Variants in GLRA3 observed in about 807,000 individuals in gnomAD.
The protein encoded by GLRA3 is glycine receptor subunit alpha-3.
GLRA3 carries 44 observed loss-of-function variants against 60.4 expected under a neutral mutation model. That is an observed-to-expected ratio of 0.73 (90% confidence interval 0.57 to 0.94). GLRA3 has a LOEUF of 0.94. GLRA3 is among the 40% of genes least tolerant of loss of function. The pLI is 0.00. For missense variants in GLRA3, 508 were observed against 564.6 expected (o/e 0.90, Z 1.02); for synonymous variants, 223 against 192.9 (o/e 1.16, Z -1.29).
In GLRA3 at chr4:174,766,567, A is replaced by G. The variant is rs28369304; in HGVS notation, c.267+396T>C. Among the ~76,000 whole-genome samples the G allele has an allele frequency of 4.5e-3, 682 of 152,230 alleles. 3 individuals carry two copies. Among genetic ancestry groups the G allele is most frequent in the African/African-American group, 0.016 (661 of 41,550 alleles). ...AATACCATATTCATTTGAAAAAGTA[A>G]TCGAATTGAATATTTAAAATAACAT... On this transcript the variant is annotated intron_variant, in intron 3 of 9. Transcript: ENST00000274093.
intron 3 of GLRA3, among the ~76,000 whole-genome samples, chr4:174,750,356 C>G (rs1224497787): frequency 6.6e-6 from 1 of 151,970 alleles, no homozygotes; most frequent in Non-Finnish European, 1.5e-5. Context: ...TAGCAGGGGA[C>G]TATGCTGAAT....
chr4:174,788,692 C>T (rs1739215493), intron 2 of GLRA3, 124 bp downstream of exon 2: 1 of 360,890 alleles, frequency 2.8e-6, no homozygotes, highest in Non-Finnish European at 4.5e-6. Flanking sequence ...ACCTTGGTGA[C>T]TAATGCAATA....
chr4:174,821,815 T>C (rs7681776), intron 1 of GLRA3, among the ~76,000 whole-genome samples: 1 of 151,926 alleles, frequency 6.6e-6, no homozygotes. Flanking sequence ...CTTGAAGTAG[T>C]TAATATCTTC....
intron 9 of GLRA3, among the ~76,000 whole-genome samples, chr4:174,647,108 C>T (rs746377477): frequency 6.6e-6 from 1 of 152,116 alleles, no homozygotes; most frequent in South Asian, 2.1e-4. Context: ...TCCTTGTTTC[C>T]TATTAATAAT....
chr4:174,699,606 A>C (rs1009822716), intron 5 of GLRA3, among the ~76,000 whole-genome samples: 25 of 152,032 alleles, frequency 1.6e-4, no homozygotes, highest in African/African-American at 5.8e-4. Flanking sequence ...ATTCTATCTA[A>C]GTTAGTATGT....
chr4:174,712,754 G>A (rs1044516275), intron 5 of GLRA3: 4 of 151,892 alleles, frequency 2.6e-5, no homozygotes, highest in Non-Finnish European at 5.9e-5. Flanking sequence ...TTTCCAGTGG[G>A]TTCCACCGAT....
At chr4:174,690,169 T>C (rs1734740265) in intron 5 of GLRA3, among the ~76,000 whole-genome samples, 1 of 152,180 alleles carries the variant, frequency 6.6e-6, no homozygotes. Context: ...TTAGAAGTTA[T>C]TTAAACACTA....
chr4:174,773,880 G>A (rs184670152), intron 2 of GLRA3, among the ~76,000 whole-genome samples: 10 of 152,268 alleles, frequency 6.6e-5, no homozygotes, highest in Admixed American at 4.6e-4. Context: ...TGAGGGGGTC[G>A]TAGTAACCTA....
intron 1 of GLRA3, among the ~76,000 whole-genome samples, chr4:174,827,469 A>G (rs1289392339): frequency 6.6e-6 from 1 of 151,708 alleles, no homozygotes; most frequent in African/African-American, 2.4e-5. Context: ...ATATTTTAAC[A>G]TTAAGTTTGT....
At chr4:174,814,034 C>A (rs1037780021) in intron 1 of GLRA3, among the ~76,000 whole-genome samples, 1 of 151,954 alleles carries the variant, frequency 6.6e-6, no homozygotes, top group Non-Finnish European at 1.5e-5. Flanking sequence ...AGGAGTAGAA[C>A]TCTGTGTGGC....
Position 174,643,808 on chromosome 4 carries a change from T to C in GLRA3, c.1373A>G (p.Asp458Gly). The change falls in exon 10 of 10, where the codon GAT becomes GGT. Residue 458 changes from aspartate (D) to glycine (G), a missense_variant. Physicochemically the swap from Asp to Gly is moderately conservative, Grantham distance 94. This residue lies in a region of GLRA3 where 176 missense variants were observed against 197.9 expected (regional missense o/e 0.89). Coordinates refer to ENST00000274093, the MANE Select transcript of GLRA3 (RefSeq NM_006529.4). Reference protein sequence around the residue: ...WVIYKILRHEDIHQQQD With the variant: ...WVIYKILRHEGIHQQQD ...GACTTAATCTTGCTGCTGATGAATA[T>C]CCTCATGCCTAAGAATTTTATAGAT... is the stretch of plus-strand genomic sequence containing the variant. The C allele has an allele frequency of 6.2e-7, 1 of 1,612,798 alleles. No homozygotes were observed. The highest frequency in any genetic ancestry group is 8.5e-7 in the Non-Finnish European group (1 of 1,179,138).
intron 9 of GLRA3, among the ~76,000 whole-genome samples, chr4:174,649,528 C>G (rs769536473): frequency 1.3e-5 from 2 of 152,092 alleles, no homozygotes; most frequent in Non-Finnish European, 2.9e-5. Flanking sequence ...TTGCCTAACT[C>G]GTCCTTTTTA....
chr4:174,824,659 C>T (rs968346708), intron 1 of GLRA3, among the ~76,000 whole-genome samples: 11 of 152,134 alleles, frequency 7.2e-5, no homozygotes, highest in African/African-American at 2.7e-4. Context: ...CTGTATCATT[C>T]GTTTTGCATA....
At chr4:174,747,830 T>A (rs1427132003) in intron 3 of GLRA3, among the ~76,000 whole-genome samples, 1 of 138,830 alleles carries the variant, frequency 7.2e-6, no homozygotes, top group Admixed American at 7.7e-5. Flanking sequence ...ACTTACTGAT[T>A]AGACTACTGT....
chr4:174,747,358 G>A lies in GLRA3; in HGVS notation c.268-18660C>T, dbSNP rs1406428570. The stretch of plus-strand genomic sequence containing the variant: ...AAATGCACAGTGGGTTAGGAGATGG[G>A]GTGGGGCGAGAATTCAGTCTGATGA... On this transcript the variant is annotated intron_variant, in intron 3 of 9. Coordinates refer to ENST00000274093, the MANE Select transcript of GLRA3 (RefSeq NM_006529.4). 2.6e-5 allele frequency among the ~76,000 whole-genome samples: 4 copies of A among 152,266 alleles called. No individual in the cohort carries two copies. In the East Asian group the frequency reaches 5.8e-4, roughly 22 times the overall value.
chr4:174,676,629 C>T (rs1192168603), intron 7 of GLRA3, among the ~76,000 whole-genome samples: 1 of 151,916 alleles, frequency 6.6e-6, no homozygotes, highest in Non-Finnish European at 1.5e-5. Context: ...GACACAGGCA[C>T]ACACACATAT....
chr4:174,740,448 A>G (rs550388194), intron 3 of GLRA3, among the ~76,000 whole-genome samples: 2 of 152,298 alleles, frequency 1.3e-5, no homozygotes, highest in Non-Finnish European at 2.9e-5. Context: ...CACTAGGCAT[A>G]TGAATGAAAC....
intron 6 of GLRA3, among the ~76,000 whole-genome samples, chr4:174,681,103 T>G (rs1734324704): frequency 6.6e-6 from 1 of 152,180 alleles, no homozygotes; most frequent in Non-Finnish European, 1.5e-5. Context: ...TTCTAGAATG[T>G]AAAGTTGTAA....
intron 7 of GLRA3, among the ~76,000 whole-genome samples, chr4:174,659,434 A>C (rs990741882): frequency 1.3e-5 from 2 of 152,208 alleles, no homozygotes; most frequent in Non-Finnish European, 2.9e-5. Context: ...ATGAAAGAAA[A>C]CATAAGATGA....
Sources: gnomAD v4.1 joint callset for allele counts (sites outside exome capture counted in the v4.1 genomes callset) on GRCh38, gnomAD v4.1.1 for gene constraint, gnomAD v4.1.1 regional missense constraint, MANE v1.5 for transcripts, NCBI Gene and HGNC (gene_info 2026-07-23, HGNC 2026-07-21) for gene names.